Variants in MYCBP2 observed in about 807,000 individuals in gnomAD.
The protein encoded by MYCBP2 is MYC binding protein 2.
A neutral mutation model predicts 525.3 loss-of-function variants in MYCBP2; 120 were observed. That is an observed-to-expected ratio of 0.23 (90% CI 0.20 to 0.27). The LOEUF (loss-of-function observed/expected upper bound fraction) is 0.27, where lower values mean the gene tolerates loss of function less well. Ranked by LOEUF, MYCBP2 falls within the 10% of genes least tolerant of loss-of-function variation. The probability of loss-of-function intolerance (pLI) is 1.00; values close to 1 mark genes in which losing one functional copy is unlikely to be tolerated. For missense variants in MYCBP2, 4,149 were observed against 5,657.1 expected (o/e 0.73, Z 8.55); for synonymous variants, 1,894 against 1,955.8 (o/e 0.97, Z 0.83).
Position 77,169,726 on chromosome 13 carries a change from C to T in MYCBP2, c.5795-12G>A. The T allele has an allele frequency of 2.5e-6, 4 of 1,597,262 alleles. No homozygotes were observed. Among genetic ancestry groups the T allele is most frequent in the Non-Finnish European group, 3.4e-6 (4 of 1,165,244 alleles). On this transcript the variant is annotated splice_polypyrimidine_tract_variant and intron_variant, in intron 38 of 82. Transcript: ENST00000544440. ...TGGAATGTCATCAGCTAAAAAAAGG[C>T]ATAAAAGGCATTAAAACTATAGTCA...
At chr13:77,295,083 A>C (rs1183441209) in intron 2 of MYCBP2, among the ~76,000 whole-genome samples, 1 of 152,218 alleles carries the variant, frequency 6.6e-6, no homozygotes, top group Non-Finnish European at 1.5e-5. Context: ...TAATAAGTCC[A>C]CACACAGAGG....
Position 77,295,360 on chromosome 13 carries a change from T to C in MYCBP2, c.378+1239A>G, listed in dbSNP as rs149359740. On this transcript the variant is annotated intron_variant, in intron 2 of 82. Transcript: ENST00000544440. ...TGTTGGCCAGGATGGTCTCGACCTC[T>C]TGACCTCGTGATCTGCCAGCCTCGG... Among the ~76,000 whole-genome samples, 581 of 152,190 alleles carry C rather than the reference T, an allele frequency of 3.8e-3. 14 individuals are homozygous for C. The highest frequency in any genetic ancestry group is 6.6e-3 in the East Asian group (34 of 5,166).
chr13:77,055,113 A>C (rs2037652547), intron 80 of MYCBP2, among the ~76,000 whole-genome samples: 1 of 150,492 alleles, frequency 6.6e-6, no homozygotes, highest in Non-Finnish European at 1.5e-5. Flanking sequence ...CTAGGAAAAC[A>C]AATATGTAAG....
rs201124867 is a variant in MYCBP2 at position 77,297,881 on chromosome 13, TACC to T, written c.303-1210_303-1208del. Among the ~76,000 whole-genome samples, 1,329 of 152,338 alleles carry T rather than the reference TACC, an allele frequency of 8.7e-3. 22 individuals carry two copies. Among genetic ancestry groups the T allele is most frequent in the African/African-American group, 0.03 (1,238 of 41,568 alleles). ...CTGCTGCAATGCTAATAAGCTAGGT[TACC>T]ACCACCTCTTACCTGGACCACTGCA... On this transcript the variant is annotated intron_variant, in intron 1 of 82. Coordinates refer to ENST00000544440, the MANE Select transcript of MYCBP2 (RefSeq NM_015057.5).
intron 46 of MYCBP2, among the ~76,000 whole-genome samples, 200 bp downstream of exon 46, chr13:77,155,858 A>T (rs2057152049): frequency 6.6e-6 from 1 of 152,204 alleles, no homozygotes. Context: ...TGTAAAGAAC[A>T]AACTCACAAA....
At chr13:77,211,874 T>C in intron 22 of MYCBP2, 82 bp downstream of exon 22, 1 of 1,139,196 alleles carries the variant, frequency 8.8e-7, no homozygotes, top group Non-Finnish European at 1.3e-6. Flanking sequence ...CAAAAGTACA[T>C]TTCATTAAAG....
intron 46 of MYCBP2, among the ~76,000 whole-genome samples, chr13:77,155,392 G>A (rs1467353698): frequency 6.6e-6 from 1 of 152,070 alleles, no homozygotes; most frequent in Non-Finnish European, 1.5e-5. Context: ...CAACTTTGAA[G>A]GAGGAAAGGG....
intron 61 of MYCBP2, 65 bp from the exon 62 acceptor site, chr13:77,087,698 TA>T: frequency 7.3e-7 from 1 of 1,366,300 alleles, no homozygotes; most frequent in Non-Finnish European, 1.0e-6. Flanking sequence ...TACTCAGAAA[TA>T]AAGTACCTCC....
chr13:77,187,843 G>A (rs1199558069), intron 30 of MYCBP2, among the ~76,000 whole-genome samples: 2 of 151,924 alleles, frequency 1.3e-5, no homozygotes, highest in African/African-American at 2.4e-5. Flanking sequence ...TCAGGGGTTC[G>A]AGACCAGCCT....
chr13:77,181,941 T>A lies in MYCBP2; in HGVS notation c.4720-19A>T, dbSNP rs753468603. 18 of 1,600,746 alleles carry A rather than the reference T, an allele frequency of 1.1e-5. No homozygotes were observed. Among genetic ancestry groups the A allele is most frequent in the Non-Finnish European group, 1.5e-5 (17 of 1,171,640 alleles). Reference sequence around the variant, plus strand: ...GGATATCCTTTTAAAAACAAAAATATGGCCCCCCAACCAAAAAATATAGCA... The same window carrying A: ...GGATATCCTTTTAAAAACAAAAATAAGGCCCCCCAACCAAAAAATATAGCA... On this transcript the variant is annotated intron_variant, in intron 32 of 82. Coordinates refer to ENST00000544440, the MANE Select transcript of MYCBP2 (RefSeq NM_015057.5).
chr13:77,280,627 G>C (rs944810096), intron 3 of MYCBP2, among the ~76,000 whole-genome samples: 3 of 152,154 alleles, frequency 2.0e-5, no homozygotes, highest in Non-Finnish European at 4.4e-5. Context: ...CGGTGACAAC[G>C]GAATTATTGA....
chr13:77,176,152 T>C (rs559295964), intron 36 of MYCBP2, among the ~76,000 whole-genome samples: 4 of 151,924 alleles, frequency 2.6e-5, no homozygotes, highest in African/African-American at 4.8e-5. Context: ...ACTACTACAA[T>C]GCAGGTATTA....
chr13:77,243,783 A>G lies in MYCBP2; in HGVS notation c.2527+23T>C, dbSNP rs756468600. ...TGAGTTGAGGACAACTCAGTGTAGC[A>G]TAGTATAATCAATCAAAATTACCTA... On this transcript the variant is annotated intron_variant, in intron 16 of 82. Transcript: ENST00000544440. The G allele has an allele frequency of 3.7e-6, 6 of 1,610,274 alleles. No individual in the cohort carries two copies. In the South Asian group the frequency reaches 6.6e-5, roughly 18 times the overall value.
rs573331693 is a variant in MYCBP2, at chr13:77,155,884, T to C, written c.6915+174A>G. Among the ~76,000 whole-genome samples the C allele has an allele frequency of 5.9e-5, 9 of 152,264 alleles. No individual in the cohort carries two copies. The South Asian group carries it at 1.9e-3, about 32-fold the overall frequency. ...AACTCACAAAAAAAACAGGTGTAAC[T>C]TGGACACTTGGGGACTAATTAATAT... On this transcript the variant is annotated intron_variant, in intron 46 of 82. Coordinates refer to ENST00000544440, the MANE Select transcript of MYCBP2 (RefSeq NM_015057.5).
chr13:77,279,027 G>A, intron 3 of MYCBP2, 116 bp from the exon 4 acceptor site: 2 of 586,920 alleles, frequency 3.4e-6, no homozygotes, highest in African/African-American at 1.9e-5. Flanking sequence ...ATGTATAATG[G>A]AGCCATAATA....
At chr13:77,150,309 A>G (rs1325779883) in intron 47 of MYCBP2, among the ~76,000 whole-genome samples, 1 of 152,096 alleles carries the variant, frequency 6.6e-6, no homozygotes, top group Non-Finnish European at 1.5e-5. Flanking sequence ...ATTTTATTTT[A>G]TTTTTATTTT....
intron 23 of MYCBP2, among the ~76,000 whole-genome samples, chr13:77,209,078 C>T (rs966715516): frequency 1.3e-5 from 2 of 152,134 alleles, no homozygotes; most frequent in African/African-American, 4.8e-5. Flanking sequence ...AATTCTGATC[C>T]TGATTTAAAG....
chr13:77,290,480 T>G (rs1271959569), intron 2 of MYCBP2, among the ~76,000 whole-genome samples: 1 of 152,206 alleles, frequency 6.6e-6, no homozygotes. Flanking sequence ...TTTTAATGGG[T>G]AAATGGTTAA....
At chr13:77,227,465 CACACACACACACACAT>C (rs1341264383) in intron 18 of MYCBP2, among the ~76,000 whole-genome samples, 15 of 108,798 alleles carry the variant, frequency 1.4e-4, no homozygotes, top group African/African-American at 4.9e-4. Flanking sequence ...CAAAAGCCTA[CACACACACACACACAT>C]ACACACACAC....
Sources: allele counts gnomAD v4.1 joint callset (sites outside exome capture counted in the v4.1 genomes callset), GRCh38; gene constraint gnomAD v4.1.1; transcripts MANE v1.5; gene names NCBI Gene and HGNC (gene_info 2026-07-23, HGNC 2026-07-21).